The following NT5DC3 variants were observed in gnomAD, a reference collection of about 807,000 sequenced individuals.
The protein encoded by NT5DC3 is 5'-nucleotidase domain containing 3, also known as 5'-nucleotidase domain-containing protein 3.
In NT5DC3, 42 loss-of-function variants were observed where a neutral mutation model predicts 67.8. The ratio of observed to expected loss-of-function variants is 0.62; its 90% CI spans 0.48 to 0.80. The LOEUF (loss-of-function observed/expected upper bound fraction) is 0.80, where lower values mean the gene tolerates loss of function less well. Ranked by LOEUF, NT5DC3 falls within the 30% of genes least tolerant of loss-of-function variation. The pLI is 0.00. For missense variants in NT5DC3, 570 were observed against 696.4 expected (o/e 0.82, Z 2.04); for synonymous variants, 237 against 255.6 (o/e 0.93, Z 0.69).
chr12:103,835,196 G>C (rs1301495100), intron 1 of NT5DC3, among the ~76,000 whole-genome samples: 2 of 152,140 alleles, frequency 1.3e-5, no homozygotes, highest in African/African-American at 4.8e-5. Flanking sequence ...CCACTGCTGG[G>C]TGCTTAATAA....
intron 1 of NT5DC3, among the ~76,000 whole-genome samples, chr12:103,815,950 C>A (rs576058294): frequency 1.0e-3 from 152 of 151,924 alleles, no homozygotes; most frequent in Non-Finnish European, 1.6e-3. Context: ...ATCTCACCAC[C>A]CAGAAAAAAA....
the NT5DC3 span, chr12:103,763,243 C>T: frequency 6.2e-6 from 3 of 482,488 alleles, no homozygotes; most frequent in Admixed American, 1.0e-4. Flanking sequence ...GTGAACACAT[C>T]CTGGGGTATG....
At chr12:103,789,494 T>C (rs1885946081) in intron 9 of NT5DC3, among the ~76,000 whole-genome samples, 1 of 152,142 alleles carries the variant, frequency 6.6e-6, no homozygotes, top group Non-Finnish European at 1.5e-5. Context: ...CACCATGCAC[T>C]AAACATGTCC....
chr12:103,780,507 A>T, intron 12 of NT5DC3, 143 bp from the exon 13 acceptor site: 2 of 702,032 alleles, frequency 2.8e-6, no homozygotes, highest in East Asian at 5.4e-5. Context: ...GAAATAATAC[A>T]TTTTTCAGAC....
At chr12:103,824,037 G>A (rs1887593040) in intron 1 of NT5DC3, among the ~76,000 whole-genome samples, 1 of 152,158 alleles carries the variant, frequency 6.6e-6, no homozygotes, top group African/African-American at 2.4e-5. Flanking sequence ...TAATATGCTA[G>A]GGAACAAGCT....
At chr12:103,805,790 GAGCCT>G (rs1886772060) in intron 4 of NT5DC3, among the ~76,000 whole-genome samples, 1 of 145,780 alleles carries the variant, frequency 6.9e-6, no homozygotes, top group Admixed American at 7.0e-5. Context: ...AGGCTGCAGT[GAGCCT>G]AGATTGTGCC....
the NT5DC3 span, among the ~76,000 whole-genome samples, chr12:103,750,956 G>A: frequency 2.0e-5 from 3 of 152,204 alleles, no homozygotes; most frequent in Non-Finnish European, 4.4e-5. Flanking sequence ...GCCGGTTGTG[G>A]CAGTGCGCGC....
chr12:103,769,590 C>T (rs937992552), downstream of NT5DC3, among the ~76,000 whole-genome samples: 2 of 152,236 alleles, frequency 1.3e-5, no homozygotes, highest in African/African-American at 2.4e-5. Context: ...GACAACTGCC[C>T]CTCTCATGGT....
At chr12:103,811,759 T>C (rs771918989) in intron 2 of NT5DC3, among the ~76,000 whole-genome samples, 13 of 152,168 alleles carry the variant, frequency 8.5e-5, no homozygotes, top group Non-Finnish European at 1.6e-4. Context: ...TGTACCTTAG[T>C]CAAGTGTTAA....
At chr12:103,766,237 G>A (rs1258861796), downstream of NT5DC3, 9 of 1,612,108 alleles carry the variant, frequency 5.6e-6, no homozygotes, top group Non-Finnish European at 6.8e-6. Flanking sequence ...ATTCAACTAG[G>A]ACTCAACACA....
At chr12:103,757,810 T>G in the NT5DC3 span, 1 of 244,874 alleles carries the variant, frequency 4.1e-6, no homozygotes, top group Non-Finnish European at 8.2e-6. Flanking sequence ...AGCAGCCACA[T>G]GCTTTGGGCC....
intron 1 of NT5DC3, among the ~76,000 whole-genome samples, chr12:103,816,902 T>C (rs1019499399): frequency 1.3e-5 from 2 of 151,962 alleles, no homozygotes; most frequent in Admixed American, 6.6e-5. Flanking sequence ...CGCAAAGAAC[T>C]GCATCACTTT....
chr12:103,782,072 G>T lies in NT5DC3; in HGVS notation c.1330-1708C>A, dbSNP rs114827198. On this transcript the variant is annotated intron_variant, in intron 12 of 13. Transcript: ENST00000392876. ...TTGGGGGAAAAAAAACTCAAAAGAA[G>T]AATAATTTCATGACAGGCTGGGCGT... is the stretch of plus-strand genomic sequence containing the variant. Among the ~76,000 whole-genome samples, 485 of 152,292 alleles carry T rather than the reference G, an allele frequency of 3.2e-3. 4 individuals carry two copies. Among genetic ancestry groups the T allele is most frequent in the African/African-American group, 0.011 (458 of 41,558 alleles).
chr12:103,748,605 TACACACACAC>T, the NT5DC3 span, among the ~76,000 whole-genome samples: 3,573 of 141,278 alleles, frequency 0.025, 55 homozygotes, highest in Middle Eastern at 0.049. Flanking sequence ...CACACACACA[TACACACACAC>T]ACACACACAC....
chr12:103,763,601 C>A, the NT5DC3 span: 8 of 1,613,636 alleles, frequency 5.0e-6, no homozygotes, highest in Middle Eastern at 1.6e-4. Flanking sequence ...TCCTACGACC[C>A]CTTCACGGTG....
At chr12:103,825,178 G>A (rs17034645) in intron 1 of NT5DC3, among the ~76,000 whole-genome samples, 15,429 of 152,150 alleles carry the variant, frequency 0.1, 1,117 homozygotes, top group East Asian at 0.29. Context: ...CATCGTCTCC[G>A]AGGAGAAGCA....
chr12:103,751,272 A>T, the NT5DC3 span, among the ~76,000 whole-genome samples: 1 of 152,196 alleles, frequency 6.6e-6, no homozygotes, highest in Non-Finnish European at 1.5e-5. Flanking sequence ...TCTGCTGGCC[A>T]GGACAGCATG....
chr12:103,764,799 T>C, the NT5DC3 span, among the ~76,000 whole-genome samples: 3 of 152,206 alleles, frequency 2.0e-5, no homozygotes, highest in African/African-American at 7.2e-5. Flanking sequence ...CTGGTTCACA[T>C]TTCAAGGGTA....
At chr12:103,759,671 C>T in the NT5DC3 span, among the ~76,000 whole-genome samples, 4 of 151,916 alleles carry the variant, frequency 2.6e-5, no homozygotes, top group South Asian at 8.3e-4. Context: ...GTCTCAATTT[C>T]CCCATCTGAA....
Sources: allele counts gnomAD v4.1 joint callset (sites outside exome capture counted in the v4.1 genomes callset), GRCh38; gene constraint gnomAD v4.1.1; transcripts MANE v1.5; gene names NCBI Gene and HGNC (gene_info 2026-07-23, HGNC 2026-07-21).